The following ARIH1 variants were observed in gnomAD, a reference collection of about 807,000 sequenced individuals.
ARIH1 encodes the protein E3 ubiquitin-protein ligase ARIH1.
ARIH1 carries 8 observed loss-of-function variants against 85.0 expected under a neutral mutation model. The observed-to-expected ratio is 0.09, with a 90% CI of 0.06 to 0.17. The LOEUF is 0.17. ARIH1 is among the 10% of genes least tolerant of loss of function. The pLI, the probability that ARIH1 is intolerant of heterozygous loss-of-function variation, is 1.00. For synonymous variants in ARIH1, 238 were observed against 253.6 expected, an observed-to-expected ratio of 0.94 and a Z score of 0.59; for missense variants, 311 against 718.1, an observed-to-expected ratio of 0.43 and a Z score of 6.48.
rs1041961202 is a variant in ARIH1, at chr15:72,596,244, C to G, written c.*12952C>G. On this transcript the variant is annotated 3_prime_UTR_variant, in exon 14 of 14. Transcript: ENST00000379887. ...GTTGGATATAGGACTCTATGTTGAC[C>G]TTTTATTTCTTCTTTCAGTACTTTA... The G allele has an allele frequency of 1.3e-5, 2 of 152,030 alleles. No homozygotes were observed. The highest frequency in any genetic ancestry group is 2.9e-5 in the Non-Finnish European group (2 of 67,994). The allele number at this position is 152,030 out of a possible 1,614,324, so 9.4% of individuals were successfully genotyped here. A position where few individuals can be genotyped will look rare whatever the true frequency, so the allele number is the denominator to read the frequency against.
chr15:72,478,058 G>A (rs1009577392), intron 1 of ARIH1, among the ~76,000 whole-genome samples: 1 of 152,034 alleles, frequency 6.6e-6, no homozygotes, highest in African/African-American at 2.4e-5. Flanking sequence ...TGCCCTTCTC[G>A]GCCTCCCAAA....
At chr15:72,574,331 T>G (rs998979896) in intron 11 of ARIH1, among the ~76,000 whole-genome samples, 4 of 152,214 alleles carry the variant, frequency 2.6e-5, no homozygotes, top group East Asian at 1.9e-4. Flanking sequence ...CCATTGGTTG[T>G]TTGGTTGATT....
intron 3 of ARIH1, among the ~76,000 whole-genome samples, chr15:72,548,723 T>G (rs1406824429): frequency 6.6e-6 from 1 of 152,230 alleles, no homozygotes; most frequent in African/African-American, 2.4e-5. Context: ...TAAAGTTTTA[T>G]TATTGGATGA....
intron 3 of ARIH1, among the ~76,000 whole-genome samples, chr15:72,550,740 C>T (rs187453000): frequency 1.8e-3 from 271 of 151,718 alleles, no homozygotes; most frequent in African/African-American, 6.0e-3. Context: ...GGTGTGATCT[C>T]GGCTTACTGC....
chr15:72,544,789 G>T, intron 2 of ARIH1, 31 bp from the exon 3 acceptor site: 1 of 1,584,300 alleles, frequency 6.3e-7, no homozygotes, highest in Non-Finnish European at 8.6e-7. Flanking sequence ...CAAGTTGCTG[G>T]GCTCTTATCC....
At chr15:72,552,545 C>T (rs921009653) in intron 3 of ARIH1, among the ~76,000 whole-genome samples, 1 of 152,138 alleles carries the variant, frequency 6.6e-6, no homozygotes, top group Non-Finnish European at 1.5e-5. Context: ...CCGCCTTGGC[C>T]TCCCAAAGTG....
rs569125480 is a variant in ARIH1, at chr15:72,597,667, A to G, written c.*14375A>G. 6.6e-6 allele frequency: 1 copy of G among 152,056 alleles called. No individual in the cohort carries two copies. Among genetic ancestry groups the G allele is most frequent in the African/African-American group, 2.4e-5 (1 of 41,396 alleles). The allele number at this position is 152,056 out of a possible 1,614,324, so 9.4% of individuals were successfully genotyped here. A position where few individuals can be genotyped will look rare whatever the true frequency, so the allele number is the denominator to read the frequency against. ...GTCAAGCTCTCTCAGCGTTCCTTCTATTATCCACACCTTTAGTGTACTACA... is the reference window on the plus strand; with the variant it reads ...GTCAAGCTCTCTCAGCGTTCCTTCTGTTATCCACACCTTTAGTGTACTACA... On this transcript the variant is annotated 3_prime_UTR_variant, in exon 14 of 14. Transcript: ENST00000379887.
chr15:72,509,287 G>A (rs1024164871), intron 1 of ARIH1, among the ~76,000 whole-genome samples: 1 of 151,974 alleles, frequency 6.6e-6, no homozygotes, highest in Admixed American at 6.6e-5. Flanking sequence ...ACCACACCTG[G>A]CCCACATTGT....
rs1418495945 is a variant in ARIH1, at chr15:72,593,722, A to G, written c.*10430A>G. The G allele has an allele frequency of 6.6e-6, 1 of 152,168 alleles. No homozygotes were observed. Among genetic ancestry groups the G allele is most frequent in the East Asian group, 1.9e-4 (1 of 5,204 alleles). 9.4% of individuals were successfully genotyped at this position (152,168 alleles called of 1,614,324 possible). A position where few individuals can be genotyped will look rare whatever the true frequency, so the allele number is the denominator to read the frequency against. On this transcript the variant is annotated 3_prime_UTR_variant, in exon 14 of 14. Transcript: ENST00000379887. ...CTTTGGATTATTGAAACTTTCTAGT[A>G]AGTCTTTAAATTAGTAAATCCTTCC... is the stretch of plus-strand genomic sequence containing the variant.
chr15:72,477,927 T>TC (rs2063800873), intron 1 of ARIH1, among the ~76,000 whole-genome samples: 1 of 152,026 alleles, frequency 6.6e-6, no homozygotes, highest in Non-Finnish European at 1.5e-5. Context: ...TTGCCTCAGC[T>TC]TCCCCCCCTA....
chr15:72,479,864 ATTCTT>A lies in ARIH1; in HGVS notation c.375+4853_375+4857del, dbSNP rs2063808352. Among the ~76,000 whole-genome samples, 5 of 150,346 alleles carry A rather than the reference ATTCTT, an allele frequency of 3.3e-5. No individual in the cohort carries two copies. In the East Asian group the frequency reaches 9.8e-4, roughly 30 times the overall value. On this transcript the variant is annotated intron_variant, in intron 1 of 13. Transcript: ENST00000379887. ...CCTAAACTAAGGAAGACAGTGTACT[ATTCTT>A]TTTTTTTTTTTCGTTTGAGACGGAG...
chr15:72,528,433 CATT>C (rs1438074525), intron 2 of ARIH1, among the ~76,000 whole-genome samples: 1 of 152,142 alleles, frequency 6.6e-6, no homozygotes, highest in Non-Finnish European at 1.5e-5. Flanking sequence ...TTTGTAGCCA[CATT>C]ATTAATAATA....
At chr15:72,540,689 T>C (rs1425448653) in intron 2 of ARIH1, among the ~76,000 whole-genome samples, 2 of 152,120 alleles carry the variant, frequency 1.3e-5, no homozygotes, top group Non-Finnish European at 2.9e-5. Flanking sequence ...CCACATGTAG[T>C]GGTGTGCACG....
At chr15:72,554,650 G>A (rs1424723377) in intron 3 of ARIH1, among the ~76,000 whole-genome samples, 1 of 152,214 alleles carries the variant, frequency 6.6e-6, no homozygotes, top group Non-Finnish European at 1.5e-5. Flanking sequence ...GCCACACAAA[G>A]TGCTGGGATT....
chr15:72,574,118 A>G (rs1477669570), intron 11 of ARIH1, among the ~76,000 whole-genome samples: 3 of 152,062 alleles, frequency 2.0e-5, no homozygotes, highest in African/African-American at 7.2e-5. Context: ...TTTATCCTTG[A>G]CCTCACCTGG....
rs549824873 is a variant in ARIH1, at chr15:72,591,511, C to T, written c.*8219C>T. 6.6e-6 allele frequency: 1 copy of T among 152,278 alleles called. No individual in the cohort carries two copies. The highest frequency in any genetic ancestry group is 1.9e-4 in the East Asian group (1 of 5,180). 9.4% of individuals were successfully genotyped at this position (152,278 alleles called of 1,614,324 possible). On this transcript the variant is annotated 3_prime_UTR_variant, in exon 14 of 14. Transcript: ENST00000379887. ...GGGATTCCTGAGGACTGAGCAAACA[C>T]ACACAGAGCAGGATTTTGTCCTAAG...
chr15:72,571,638 C>G (rs184295813), intron 10 of ARIH1, among the ~76,000 whole-genome samples: 2 of 152,200 alleles, frequency 1.3e-5, no homozygotes, highest in East Asian at 3.9e-4. Flanking sequence ...TGTTGGTTCT[C>G]TGTGGTTTAT....
chr15:72,490,062 A>G (rs1389217525), intron 1 of ARIH1, among the ~76,000 whole-genome samples: 2 of 151,920 alleles, frequency 1.3e-5, no homozygotes, highest in Admixed American at 1.3e-4. Context: ...ACGTATAGTC[A>G]CCACAGATTT....
chr15:72,516,197 A>T (rs182817835), intron 1 of ARIH1, among the ~76,000 whole-genome samples: 1 of 152,248 alleles, frequency 6.6e-6, no homozygotes, highest in East Asian at 1.9e-4. Context: ...ACAATTCCTG[A>T]AATAGTTTAC....
Sources: allele counts gnomAD v4.1 joint callset (sites outside exome capture counted in the v4.1 genomes callset), GRCh38; gene constraint gnomAD v4.1.1; transcripts MANE v1.5; gene names NCBI Gene and HGNC (gene_info 2026-07-23, HGNC 2026-07-21).